Variants in TRPC4 observed in about 807,000 individuals in gnomAD.
The protein encoded by TRPC4 is transient receptor potential cation channel subfamily C member 4.
In TRPC4, 49 loss-of-function variants were observed where a neutral mutation model predicts 99.4. The ratio of observed to expected loss-of-function variants is 0.49; its 90% CI spans 0.39 to 0.63. The LOEUF is 0.63. Ranked by LOEUF, TRPC4 falls within the 20% of genes least tolerant of loss-of-function variation. The pLI, the probability that TRPC4 is intolerant of heterozygous loss-of-function variation, is 0.00. For missense variants in TRPC4, 898 were observed against 1,152.9 expected (o/e 0.78, Z 3.20); for synonymous variants, 454 against 425.9 (o/e 1.07, Z -0.81).
At position 37,746,390 on chromosome 13, in the gene TRPC4, C is replaced by T. The variant is rs1219660591; in HGVS notation, c.444G>A (p.Leu148=). 1 of 1,612,894 alleles carries T rather than the reference C, an allele frequency of 6.2e-7. No homozygotes were observed. Among genetic ancestry groups the T allele is most frequent in the Non-Finnish European group, 8.5e-7 (1 of 1,179,644 alleles). The change falls in exon 3 of 11, where the codon TTG becomes TTA. Residue 148 remains leucine (L), a synonymous_variant. Transcript: ENST00000379705. ...TCTCATAATTATTTGTATGGGCTGC[C>T]AAAATGATTGGTGTAATGTCTGGAG... ...EFTPDITPII[L]AAHTNNYEII...
intron 2 of TRPC4, among the ~76,000 whole-genome samples, chr13:37,751,931 G>A (rs1030916534): frequency 3.3e-5 from 5 of 150,996 alleles, no homozygotes; most frequent in South Asian, 2.1e-4. Flanking sequence ...TATTTGCAGC[G>A]TCACATCAGA....
At chr13:37,654,442 G>A (rs1298388123) in intron 7 of TRPC4, among the ~76,000 whole-genome samples, 3 of 152,010 alleles carry the variant, frequency 2.0e-5, no homozygotes, top group Non-Finnish European at 4.4e-5. Flanking sequence ...TCTTTCTTGT[G>A]CATTGCTGTA....
At chr13:37,711,705 A>G (rs1003434192) in intron 3 of TRPC4, among the ~76,000 whole-genome samples, 5 of 152,078 alleles carry the variant, frequency 3.3e-5, no homozygotes, top group African/African-American at 1.2e-4. Flanking sequence ...TTATTTTAAT[A>G]CTTGGCTTGT....
chr13:37,693,916 T>C (rs1953820990), intron 3 of TRPC4, among the ~76,000 whole-genome samples: 1 of 152,158 alleles, frequency 6.6e-6, no homozygotes, highest in African/African-American at 2.4e-5. Flanking sequence ...CTCATTATCT[T>C]GTACGGCACT....
At chr13:37,773,310 ATCTC>A (rs1956605595) in intron 2 of TRPC4, among the ~76,000 whole-genome samples, 1 of 151,848 alleles carries the variant, frequency 6.6e-6, no homozygotes, top group East Asian at 1.9e-4. Flanking sequence ...GAGCAAGTTA[ATCTC>A]TCTGAGCCGC....
chr13:37,656,061 G>A (rs1952224041), intron 6 of TRPC4, among the ~76,000 whole-genome samples: 1 of 151,960 alleles, frequency 6.6e-6, no homozygotes, highest in Non-Finnish European at 1.5e-5. Context: ...ATGGGTTTTT[G>A]GTTTTTTTGG....
At chr13:37,800,402 A>G (rs1239018120) in intron 1 of TRPC4, among the ~76,000 whole-genome samples, 4 of 152,166 alleles carry the variant, frequency 2.6e-5, no homozygotes, top group Non-Finnish European at 4.4e-5. Flanking sequence ...AAATATCTAC[A>G]TTTATTTTAT....
rs190799638 is a variant in TRPC4 at position 37,822,517 on chromosome 13, G to A, written c.-27-39157C>T. On this transcript the variant is annotated intron_variant, in intron 1 of 10. Transcript: ENST00000379705. ...TTCCCATCTATGAGTGAGAATATGC[G>A]GTGTTTGGTTTTTTGTTCTTGTGAT... Among the ~76,000 whole-genome samples, 290 of 149,960 alleles carry A rather than the reference G, an allele frequency of 1.9e-3. 4 individuals are homozygous for A. The East Asian group carries it at 0.049, about 26-fold the overall frequency.
intron 4 of TRPC4, among the ~76,000 whole-genome samples, chr13:37,690,336 G>A (rs9548019): frequency 0.99 from 151,129 of 152,294 alleles, 74,995 homozygotes; most frequent in Middle Eastern, 1. Context: ...ATTTTTTGAG[G>A]CAGAGTCTCA....
chr13:37,808,461 A>T (rs1957587359), intron 1 of TRPC4, among the ~76,000 whole-genome samples: 1 of 152,160 alleles, frequency 6.6e-6, no homozygotes, highest in East Asian at 1.9e-4. Flanking sequence ...ATTTTGATGG[A>T]ACTGTGATGT....
At chr13:37,824,932 T>G (rs1230416106) in intron 1 of TRPC4, among the ~76,000 whole-genome samples, 5 of 152,212 alleles carry the variant, frequency 3.3e-5, no homozygotes, top group Admixed American at 3.3e-4. Context: ...AGCTATTGAT[T>G]ATTGCCACAA....
intron 1 of TRPC4, among the ~76,000 whole-genome samples, chr13:37,816,446 C>T (rs749258002): frequency 1.9e-4 from 29 of 151,956 alleles, no homozygotes; most frequent in African/African-American, 3.1e-4. Flanking sequence ...TTCTTCTCAT[C>T]GTGACATGGC....
intron 3 of TRPC4, among the ~76,000 whole-genome samples, chr13:37,709,114 G>A (rs9548027): frequency 0.036 from 5,533 of 151,882 alleles, 150 homozygotes; most frequent in Admixed American, 0.06. Flanking sequence ...AAAACACTGG[G>A]GATGAACTTG....
chr13:37,709,276 G>A (rs1954392548), intron 3 of TRPC4, among the ~76,000 whole-genome samples: 1 of 151,954 alleles, frequency 6.6e-6, no homozygotes, highest in Non-Finnish European at 1.5e-5. Context: ...AATGTTGTCA[G>A]CATTCAGATT....
chr13:37,852,031 G>T (rs1959072222), intron 1 of TRPC4, among the ~76,000 whole-genome samples: 1 of 152,134 alleles, frequency 6.6e-6, no homozygotes. Context: ...AAAGTGCTCT[G>T]GGGTCCTAGG....
At chr13:37,759,821 A>G (rs545626289) in intron 2 of TRPC4, among the ~76,000 whole-genome samples, 1 of 152,110 alleles carries the variant, frequency 6.6e-6, no homozygotes, top group East Asian at 1.9e-4. Flanking sequence ...GTCTTACCTC[A>G]GGAAATGCTT....
At chr13:37,667,533 C>G (rs1247709712) in intron 5 of TRPC4, among the ~76,000 whole-genome samples, 3 of 152,182 alleles carry the variant, frequency 2.0e-5, no homozygotes, top group African/African-American at 7.2e-5. Context: ...GTCTTGAACT[C>G]CTGATCTCAG....
In TRPC4 at chr13:37,866,819, C is replaced by G. The variant is rs1477631774; in HGVS notation, c.-28+2776G>C. ...ATTCCCAATTAAATTTGGGTTGAGT[C>G]GAACCAGTTTTAATGTTTATTTTTT... is the stretch of plus-strand genomic sequence containing the variant. On this transcript the variant is annotated intron_variant, in intron 1 of 10. Transcript: ENST00000379705. Among the ~76,000 whole-genome samples, 18 of 111,922 alleles carry G rather than the reference C, an allele frequency of 1.6e-4. No homozygotes were observed. In the Admixed American group the frequency reaches 2.3e-3, roughly 14 times the overall value. The allele number at this position is 111,922 out of a possible 152,430, so 73.4% of individuals were successfully genotyped here. A position where few individuals can be genotyped will look rare whatever the true frequency, so the allele number is the denominator to read the frequency against.
At chr13:37,731,051 GA>G (rs988813392) in intron 3 of TRPC4, among the ~76,000 whole-genome samples, 33 of 151,420 alleles carry the variant, frequency 2.2e-4, no homozygotes, top group African/African-American at 7.0e-4. Context: ...GAGTTATTAA[GA>G]AAAAAAATTC....
Sources: allele counts gnomAD v4.1 joint callset (sites outside exome capture counted in the v4.1 genomes callset), GRCh38; gene constraint gnomAD v4.1.1; transcripts MANE v1.5; gene names NCBI Gene and HGNC (gene_info 2026-07-23, HGNC 2026-07-21).